The following PDZRN3 variants were observed in gnomAD, a reference collection of about 807,000 sequenced individuals.
PDZRN3 encodes E3 ubiquitin-protein ligase PDZRN3.
PDZRN3 carries 38 observed loss-of-function variants against 85.7 expected under a neutral mutation model. That is an observed-to-expected ratio of 0.44 (90% CI 0.34 to 0.58). The LOEUF (loss-of-function observed/expected upper bound fraction) is 0.58. PDZRN3 is among the 20% of genes least tolerant of loss of function. The pLI is 0.01. For synonymous variants in PDZRN3, 759 were observed against 638.0 expected (o/e 1.19, Z -2.86); for missense variants, 1,629 against 1,506.4 (o/e 1.08, Z -1.35).
intron 3 of PDZRN3, among the ~76,000 whole-genome samples, chr3:73,530,645 G>GTTC (rs60405125): frequency 0.37 from 56,907 of 151,844 alleles, 11,114 homozygotes; most frequent in African/African-American, 0.46. Flanking sequence ...CAGATCAAAT[G>GTTC]TTTTTTGTTT....
At chr3:73,565,464 C>T (rs1701926311) in intron 3 of PDZRN3, among the ~76,000 whole-genome samples, 1 of 152,058 alleles carries the variant, frequency 6.6e-6, no homozygotes. Context: ...GAACAAGTCA[C>T]TTAATCTCTT....
intron 1 of PDZRN3, among the ~76,000 whole-genome samples, chr3:73,614,949 T>C (rs1287989740): frequency 6.6e-6 from 1 of 152,148 alleles, no homozygotes; most frequent in Non-Finnish European, 1.5e-5. Flanking sequence ...AGCCTAAGAC[T>C]GAAGGTAGTC....
At chr3:73,515,199 A>ATGGAG (rs1704235735) in intron 3 of PDZRN3, among the ~76,000 whole-genome samples, 1 of 94,764 alleles carries the variant, frequency 1.1e-5, no homozygotes, top group Admixed American at 1.6e-4. Context: ...TTTTTTTGAG[A>ATGGAG]TGGAGTCTTG....
At chr3:73,593,546 G>A (rs895300111) in intron 3 of PDZRN3, among the ~76,000 whole-genome samples, 9 of 152,062 alleles carry the variant, frequency 5.9e-5, no homozygotes, top group Non-Finnish European at 1.3e-4. Flanking sequence ...ATGCCTCTGC[G>A]TTTCCATACC....
At chr3:73,386,889 A>G (rs1187183558) in intron 8 of PDZRN3, among the ~76,000 whole-genome samples, 1 of 152,122 alleles carries the variant, frequency 6.6e-6, no homozygotes, top group Non-Finnish European at 1.5e-5. Flanking sequence ...TCATACTGAT[A>G]TGGTTTGGCT....
chr3:73,563,145 A>G (rs1442941562), intron 3 of PDZRN3, among the ~76,000 whole-genome samples: 1 of 147,460 alleles, frequency 6.8e-6, no homozygotes, highest in African/African-American at 2.5e-5. Flanking sequence ...CAGCCTCCCG[A>G]GTAGCTGGGA....
intron 3 of PDZRN3, among the ~76,000 whole-genome samples, chr3:73,553,533 A>G (rs4677300): frequency 0.74 from 111,191 of 151,062 alleles, 41,284 homozygotes; most frequent in African/African-American, 0.83. Context: ...CCGAGATGGC[A>G]CCATTGCACT....
chr3:73,444,220 A>G (rs1253945382), intron 3 of PDZRN3, among the ~76,000 whole-genome samples: 1 of 152,098 alleles, frequency 6.6e-6, no homozygotes, highest in African/African-American at 2.4e-5. Flanking sequence ...TTGAGATGTG[A>G]GCTCCATCCT....
At chr3:73,558,817 T>C (rs554650950) in intron 3 of PDZRN3, among the ~76,000 whole-genome samples, 4 of 152,224 alleles carry the variant, frequency 2.6e-5, no homozygotes, top group Non-Finnish European at 4.4e-5. Context: ...TGGACTCTCT[T>C]AAGCCTATGA....
intron 3 of PDZRN3, among the ~76,000 whole-genome samples, chr3:73,461,324 A>G (rs1384642243): frequency 1.3e-5 from 2 of 152,196 alleles, no homozygotes; most frequent in Non-Finnish European, 2.9e-5. Context: ...TTCTTAGTCA[A>G]TTTTGCAGAT....
intron 3 of PDZRN3, among the ~76,000 whole-genome samples, chr3:73,589,986 T>G (rs1345704010): frequency 6.6e-6 from 1 of 152,120 alleles, no homozygotes; most frequent in Non-Finnish European, 1.5e-5. Context: ...AAACGCAGAT[T>G]AGCTGGGCTC....
At chr3:73,603,474 T>G (rs530551533) in intron 2 of PDZRN3, among the ~76,000 whole-genome samples, 2 of 152,324 alleles carry the variant, frequency 1.3e-5, no homozygotes, top group Non-Finnish European at 2.9e-5. Flanking sequence ...AAATTTCTAG[T>G]GATTAACAGA....
At chr3:73,507,070 T>G (rs9869934) in intron 3 of PDZRN3, among the ~76,000 whole-genome samples, 2,597 of 152,298 alleles carry the variant, frequency 0.017, 67 homozygotes, top group African/African-American at 0.059. Context: ...TGACAAAATA[T>G]TGTTTGTGGA....
At chr3:73,479,998 CTTTT>C (rs1366873997) in intron 3 of PDZRN3, among the ~76,000 whole-genome samples, 3 of 151,828 alleles carry the variant, frequency 2.0e-5, no homozygotes, top group Non-Finnish European at 2.9e-5. Context: ...CCAATAAACT[CTTTT>C]GTTTGTAATG....
intron 3 of PDZRN3, among the ~76,000 whole-genome samples, chr3:73,484,061 T>G (rs536974956): frequency 1.3e-5 from 2 of 152,276 alleles, no homozygotes; most frequent in East Asian, 3.9e-4. Context: ...ATAACAATCC[T>G]GGCAAACATG....
chr3:73,398,632 T>C (rs1701688651), intron 5 of PDZRN3, among the ~76,000 whole-genome samples: 1 of 152,196 alleles, frequency 6.6e-6, no homozygotes, highest in Non-Finnish European at 1.5e-5. Flanking sequence ...TGCTCTCAGG[T>C]GCTTCATGCT....
chr3:73,555,001 ACTGG>A (rs1302213141), intron 3 of PDZRN3, among the ~76,000 whole-genome samples: 1 of 152,258 alleles, frequency 6.6e-6, no homozygotes, highest in East Asian at 1.9e-4. Flanking sequence ...AACAGGCCTG[ACTGG>A]CTGTCGCCTA....
chr3:73,580,032 C>G (rs1702176426), intron 3 of PDZRN3, among the ~76,000 whole-genome samples: 1 of 152,112 alleles, frequency 6.6e-6, no homozygotes, highest in Non-Finnish European at 1.5e-5. Flanking sequence ...TATTTGGTAC[C>G]TCAGACTCCC....
chr3:73,596,774 G>T (rs146947827), intron 3 of PDZRN3, among the ~76,000 whole-genome samples: 25 of 152,286 alleles, frequency 1.6e-4, no homozygotes, highest in Non-Finnish European at 2.6e-4. Context: ...TATGAAAATG[G>T]AATACAACCC....
Sources: gnomAD v4.1 joint callset for allele counts (sites outside exome capture counted in the v4.1 genomes callset) on GRCh38, gnomAD v4.1.1 for gene constraint, MANE v1.5 for transcripts, NCBI Gene and HGNC (gene_info 2026-07-23, HGNC 2026-07-21) for gene names.